Variants in KLRG1 observed in about 807,000 individuals in gnomAD.
The protein encoded by KLRG1 is killer cell lectin-like receptor subfamily G member 1.
A neutral mutation model predicts 21.8 loss-of-function variants in KLRG1; 16 were observed. That is an observed-to-expected ratio of 0.73 (90% CI 0.50 to 1.11). The LOEUF is 1.11. Among genes scored for constraint, KLRG1 ranks in the 50% most tolerant of loss-of-function variants. The probability of loss-of-function intolerance (pLI) is 0.00; values close to 1 mark genes in which losing one functional copy is unlikely to be tolerated. For missense variants in KLRG1, 173 were observed against 218.3 expected (o/e 0.79, Z 1.31); for synonymous variants, 69 against 75.9 (o/e 0.91, Z 0.47).
chr12:9,007,874 A>G (rs764170627), intron 3 of KLRG1, among the ~76,000 whole-genome samples: 19 of 152,236 alleles, frequency 1.2e-4, no homozygotes, highest in Admixed American at 1.2e-3. Flanking sequence ...CCAACACTAA[A>G]TCCTACAACA....
chr12:9,154,189 T>G, the KLRG1 span, among the ~76,000 whole-genome samples: 1 of 152,152 alleles, frequency 6.6e-6, no homozygotes, highest in Admixed American at 6.5e-5. Context: ...TGGAGGAAAT[T>G]TTTTCTTGTT....
chr12:9,057,160 G>T, the KLRG1 span, among the ~76,000 whole-genome samples: 4 of 152,186 alleles, frequency 2.6e-5, no homozygotes, highest in Non-Finnish European at 4.4e-5. Context: ...CTGAAAACAA[G>T]ATGTACAAGG....
At chr12:8,980,445 A>G (rs898251987) in intron 1 of KLRG1, among the ~76,000 whole-genome samples, 3 of 152,026 alleles carry the variant, frequency 2.0e-5, no homozygotes, top group African/African-American at 7.2e-5. Context: ...TGGTGATGTC[A>G]TATTTTCTTA....
intron 1 of KLRG1, among the ~76,000 whole-genome samples, chr12:8,984,439 A>C (rs1245533246): frequency 6.6e-6 from 1 of 152,122 alleles, no homozygotes; most frequent in Non-Finnish European, 1.5e-5. Context: ...TTTTTAGTAG[A>C]GACAGGGTTT....
chr12:9,181,415 C>A, the KLRG1 span, among the ~76,000 whole-genome samples: 1 of 152,338 alleles, frequency 6.6e-6, no homozygotes, highest in African/African-American at 2.4e-5. Context: ...AATTTTATAA[C>A]AAGCTTACCT....
the KLRG1 span, chr12:9,106,405 C>T: frequency 1.4e-6 from 2 of 1,440,198 alleles, no homozygotes; most frequent in South Asian, 2.4e-5. Context: ...AAAATTCTAT[C>T]ACCTCCCCCC....
chr12:9,125,174 C>T, the KLRG1 span, among the ~76,000 whole-genome samples: 1 of 152,226 alleles, frequency 6.6e-6, no homozygotes, highest in East Asian at 1.9e-4. Flanking sequence ...CCAGGGCCTC[C>T]TCTCTGCTGA....
At chr12:9,089,824 T>C in the KLRG1 span, 6 of 966,774 alleles carry the variant, frequency 6.2e-6, no homozygotes, top group African/African-American at 1.0e-4. Flanking sequence ...AATAATATTA[T>C]AAAATATCCA....
the KLRG1 span, among the ~76,000 whole-genome samples, chr12:9,044,300 A>T: frequency 6.6e-6 from 1 of 152,214 alleles, no homozygotes; most frequent in Admixed American, 6.5e-5. Context: ...GTATGAAGAG[A>T]CGCTTTACTC....
chr12:9,050,869 T>C, the KLRG1 span, among the ~76,000 whole-genome samples: 1 of 152,168 alleles, frequency 6.6e-6, no homozygotes, highest in Non-Finnish European at 1.5e-5. Context: ...CTCAGGGGTG[T>C]CTGCTTCCAC....
chr12:9,182,173 A>C, the KLRG1 span: 1 of 1,541,088 alleles, frequency 6.5e-7, no homozygotes, highest in Non-Finnish European at 8.8e-7. Context: ...AAAGGTCATA[A>C]AAATAGTGTC....
chr12:9,142,450 G>A, the KLRG1 span, among the ~76,000 whole-genome samples: 5 of 152,322 alleles, frequency 3.3e-5, no homozygotes, highest in East Asian at 7.7e-4. Context: ...AAACAAAAAT[G>A]TATGCTGGCA....
the KLRG1 span, among the ~76,000 whole-genome samples, chr12:9,208,589 C>G: frequency 6.6e-6 from 1 of 152,090 alleles, no homozygotes; most frequent in African/African-American, 2.4e-5. Flanking sequence ...AATTTGTATT[C>G]CATTTAGAAT....
At chr12:8,993,502 C>G (rs774782005) in intron 2 of KLRG1, among the ~76,000 whole-genome samples, 1 of 152,082 alleles carries the variant, frequency 6.6e-6, no homozygotes, top group East Asian at 1.9e-4. Flanking sequence ...GTTGGCCAGG[C>G]TGGTCTCGAA....
chr12:8,960,723 CCTT>C (rs1313330001), intron 1 of KLRG1, among the ~76,000 whole-genome samples: 24 of 152,278 alleles, frequency 1.6e-4, no homozygotes, highest in African/African-American at 5.8e-4. Flanking sequence ...AATAGTGTCT[CCTT>C]CTGGGGCCAA....
At chr12:9,180,012 G>A in the KLRG1 span, among the ~76,000 whole-genome samples, 14 of 152,236 alleles carry the variant, frequency 9.2e-5, no homozygotes, top group South Asian at 1.7e-3. Flanking sequence ...ATTATTCTCC[G>A]GAATGTTGGG....
chr12:9,039,790 G>A, the KLRG1 span, among the ~76,000 whole-genome samples: 2 of 152,320 alleles, frequency 1.3e-5, no homozygotes, highest in African/African-American at 4.8e-5. Flanking sequence ...AAAAATTTGT[G>A]CATTCTTTTG....
intron 3 of KLRG1, among the ~76,000 whole-genome samples, chr12:9,006,304 G>GA: frequency 6.6e-6 from 1 of 152,178 alleles, no homozygotes; most frequent in East Asian, 1.9e-4. Context: ...GGTTAGTTAA[G>GA]GAAGGCCTCT....
the KLRG1 span, chr12:9,149,658 T>G: frequency 6.4e-7 from 1 of 1,559,976 alleles, no homozygotes; most frequent in Middle Eastern, 1.7e-4. Context: ...CTAGGGACCA[T>G]GCTAAATCTG....
Sources: gnomAD v4.1 joint callset for allele counts (sites outside exome capture counted in the v4.1 genomes callset) on GRCh38, gnomAD v4.1.1 for gene constraint, MANE v1.5 for transcripts, NCBI Gene and HGNC (gene_info 2026-07-23, HGNC 2026-07-21) for gene names.